The following RPA3 variants were observed in gnomAD, a reference collection of about 807,000 sequenced individuals.
RPA3 encodes replication protein A 14 kDa subunit.
Under a neutral mutation model 13.7 loss-of-function variants are expected in RPA3, and 24 were observed. The observed-to-expected ratio is 1.75, with a 90% CI of 1.27 to 2.46. The LOEUF (loss-of-function observed/expected upper bound fraction) is 2.46, where lower values mean the gene tolerates loss of function less well. RPA3 is among the 30% of genes most tolerant of loss of function. The probability of loss-of-function intolerance (pLI) is 0.00; values close to 1 mark genes in which losing one functional copy is unlikely to be tolerated. For synonymous variants in RPA3, 59 were observed against 51.2 expected (o/e 1.15, Z -0.65); for missense variants, 183 against 151.0 (o/e 1.21, Z -1.11).
At chr7:7,675,220 A>G (rs1779710064) in intron 4 of RPA3, among the ~76,000 whole-genome samples, 1 of 152,230 alleles carries the variant, frequency 6.6e-6, no homozygotes, top group African/African-American at 2.4e-5. Context: ...GTTATCAAAT[A>G]GCCATTTAGA....
At chr7:7,674,076 T>A (rs1334939033) in intron 4 of RPA3, among the ~76,000 whole-genome samples, 1 of 152,220 alleles carries the variant, frequency 6.6e-6, no homozygotes, top group Non-Finnish European at 1.5e-5. Context: ...AACATCTTTG[T>A]ATGCTCTTCC....
intron 4 of RPA3, among the ~76,000 whole-genome samples, chr7:7,653,176 G>A (rs1785266622): frequency 6.6e-6 from 1 of 152,200 alleles, no homozygotes; most frequent in African/African-American, 2.4e-5. Flanking sequence ...AACACCAAAT[G>A]AAGTTGCTTC....
chr7:7,663,830 G>A (rs1193352724), intron 4 of RPA3, among the ~76,000 whole-genome samples: 1 of 152,194 alleles, frequency 6.6e-6, no homozygotes, highest in Non-Finnish European at 1.5e-5. Flanking sequence ...ATGACTATCA[G>A]TTTTATACAA....
At chr7:7,649,686 GT>G (rs140194577) in intron 4 of RPA3, among the ~76,000 whole-genome samples, 46,984 of 151,066 alleles carry the variant, frequency 0.31, 9,050 homozygotes, top group East Asian at 0.79. Context: ...ATTCTTGTTG[GT>G]GGGGGGGCCC....
At chr7:7,640,200 A>G (rs1583681111) in intron 5 of RPA3, 120 bp downstream of exon 5, 1 of 1,089,568 alleles carries the variant, frequency 9.2e-7, no homozygotes, top group East Asian at 2.4e-5. Context: ...CTTGTGCAAA[A>G]TAAAGGAGTC....
chr7:7,673,612 C>G (rs1260750507), intron 4 of RPA3, among the ~76,000 whole-genome samples: 1 of 152,064 alleles, frequency 6.6e-6, no homozygotes, highest in Non-Finnish European at 1.5e-5. Context: ...TGAAAGTCAT[C>G]AATTACTTGG....
intron 2 of RPA3, among the ~76,000 whole-genome samples, chr7:7,694,529 A>T (rs1422795230): frequency 1.5e-5 from 2 of 133,044 alleles, no homozygotes; most frequent in African/African-American, 2.9e-5. Context: ...TCCCCACCCC[A>T]CCCCCACCAC....
chr7:7,718,174 C>G (rs925683482), intron 1 of RPA3, among the ~76,000 whole-genome samples: 12 of 152,242 alleles, frequency 7.9e-5, no homozygotes, highest in East Asian at 5.8e-4. Context: ...AATTGCAGAA[C>G]TTGAGTGATT....
intron 4 of RPA3, among the ~76,000 whole-genome samples, chr7:7,644,181 T>A (rs1039979243): frequency 2.0e-5 from 3 of 152,216 alleles, no homozygotes; most frequent in Admixed American, 6.5e-5. Context: ...CCCTGATTAC[T>A]GAAAAGTTTG....
chr7:7,665,861 G>T (rs74968318), intron 4 of RPA3, among the ~76,000 whole-genome samples: 1 of 148,580 alleles, frequency 6.7e-6, no homozygotes, highest in Non-Finnish European at 1.5e-5. Context: ...GTTGTAGCAT[G>T]TATCACTATT....
chr7:7,680,487 T>G (rs10265028), intron 4 of RPA3, among the ~76,000 whole-genome samples: 7,623 of 152,258 alleles, frequency 0.05, 575 homozygotes, highest in African/African-American at 0.17. Context: ...CGTCTAATTT[T>G]GTTGTTTTTG....
At chr7:7,641,276 G>C (rs1269372337) in intron 4 of RPA3, 101 bp from the exon 5 acceptor site, 1 of 152,162 alleles carries the variant, frequency 6.6e-6, no homozygotes, top group Non-Finnish European at 1.5e-5. Context: ...TAACCCCTCC[G>C]TGTTGGCAGC....
intron 2 of RPA3, among the ~76,000 whole-genome samples, chr7:7,702,667 AT>A (rs1267937149): frequency 6.6e-6 from 1 of 152,214 alleles, no homozygotes; most frequent in African/African-American, 2.4e-5. Context: ...TTTTGTGTAT[AT>A]TAAGTGACTT....
In RPA3 at chr7:7,670,799, C is replaced by T. The variant is rs575440558; in HGVS notation, c.-758+15031G>A. On this transcript the variant is annotated intron_variant, in intron 4 of 7. Transcript: ENST00000223129. ...CCAAAACCACTCCCATTTACAAAGG[C>T]GAACAAAGGGAGAGAGAGAACAGTC... is the stretch of plus-strand genomic sequence containing the variant. 1.1e-4 allele frequency among the ~76,000 whole-genome samples: 16 copies of T among 152,274 alleles called. No homozygotes were observed. The South Asian group carries it at 2.5e-3, about 24-fold the overall frequency.
At chr7:7,692,541 G>T (rs1780196988) in intron 2 of RPA3, 1 of 152,170 alleles carries the variant, frequency 6.6e-6, no homozygotes, top group Non-Finnish European at 1.5e-5. Flanking sequence ...TAACAAGGTA[G>T]ATCGATTCCC....
chr7:7,675,197 CATT>C (rs1388337765), intron 4 of RPA3, among the ~76,000 whole-genome samples: 3 of 152,134 alleles, frequency 2.0e-5, no homozygotes, highest in Non-Finnish European at 4.4e-5. Flanking sequence ...TAGAAATTGA[CATT>C]ATTCTTTTTG....
intron 4 of RPA3, among the ~76,000 whole-genome samples, chr7:7,678,050 G>A (rs997925264): frequency 6.6e-6 from 1 of 152,132 alleles, no homozygotes; most frequent in Non-Finnish European, 1.5e-5. Flanking sequence ...CAATAAACAT[G>A]GGAATGTGGA....
At chr7:7,657,550 C>A (rs1481001972) in intron 4 of RPA3, among the ~76,000 whole-genome samples, 3 of 152,166 alleles carry the variant, frequency 2.0e-5, no homozygotes, top group Non-Finnish European at 4.4e-5. Context: ...GTTTTCCCAA[C>A]AGCATTTATT....
Position 7,640,138 on chromosome 7 carries a change from T to C in RPA3, c.99+182A>G, listed in dbSNP as rs1047083257. On this transcript the variant is annotated intron_variant, in intron 5 of 7. Transcript: ENST00000223129. ...TTGAAAACACTTTGTTTCCGTGCCA[T>C]AAAAGAGCGCCAAAATGGGGCTACA... is the stretch of plus-strand genomic sequence containing the variant. 1.4e-5 allele frequency: 9 copies of C among 642,904 alleles called. No individual in the cohort carries two copies. In the African/African-American group the frequency reaches 1.5e-4, roughly 11 times the overall value. 39.8% of individuals were successfully genotyped at this position (642,904 alleles called of 1,614,324 possible). A position where few individuals can be genotyped will look rare whatever the true frequency, so the allele number is the denominator to read the frequency against.
Sources: gnomAD v4.1 joint callset for allele counts (sites outside exome capture counted in the v4.1 genomes callset) on GRCh38, gnomAD v4.1.1 for gene constraint, MANE v1.5 for transcripts, NCBI Gene and HGNC (gene_info 2026-07-23, HGNC 2026-07-21) for gene names.